ZNRF1: variants seen among roughly 807,000 people sequenced by gnomAD.
ZNRF1 encodes the protein E3 ubiquitin-protein ligase ZNRF1.
ZNRF1 carries 3 observed loss-of-function variants against 18.4 expected under a neutral mutation model. That is an observed-to-expected ratio of 0.16 (90% CI 0.07 to 0.42). The LOEUF (loss-of-function observed/expected upper bound fraction) is 0.42, where lower values mean the gene tolerates loss of function less well. ZNRF1 is among the 10% of genes least tolerant of loss of function. The pLI is 0.99. For missense variants in ZNRF1, 310 were observed against 329.8 expected (o/e 0.94, Z 0.47); for synonymous variants, 157 against 144.2 (o/e 1.09, Z -0.64).
intron 1 of ZNRF1, among the ~76,000 whole-genome samples, chr16:75,057,053 G>T (rs558723744): frequency 6.6e-6 from 1 of 152,102 alleles, no homozygotes; most frequent in Non-Finnish European, 1.5e-5. Context: ...TGTTTTGATG[G>T]ACATTTCTCC....
intron 1 of ZNRF1, among the ~76,000 whole-genome samples, chr16:75,064,771 C>T (rs572648894): frequency 3.3e-5 from 5 of 152,306 alleles, no homozygotes; most frequent in Admixed American, 2.6e-4. Context: ...GAATGGAGAC[C>T]TTTTCAGGCT....
intron 1 of ZNRF1, among the ~76,000 whole-genome samples, chr16:75,051,285 G>A (rs2035600278): frequency 6.6e-6 from 1 of 152,006 alleles, no homozygotes; most frequent in South Asian, 2.1e-4. Flanking sequence ...TCAGCTCACT[G>A]CAGCCTCTGC....
At chr16:75,056,849 C>G (rs1029787670) in intron 1 of ZNRF1, among the ~76,000 whole-genome samples, 4 of 152,068 alleles carry the variant, frequency 2.6e-5, no homozygotes, top group African/African-American at 9.7e-5. Flanking sequence ...GTTGGCCAGG[C>G]TGGTTTTGAA....
chr16:75,108,685 T>C lies in ZNRF1; in HGVS notation c.*985T>C, dbSNP rs1375706015. ...CTTCATTAGTCAAGGTGTTTTGATA[T>C]GGTATTAAAATGTCTAATAAAAGAT... On this transcript the variant is annotated 3_prime_UTR_variant, in exon 5 of 5. Coordinates refer to ENST00000335325, the MANE Select transcript of ZNRF1 (RefSeq NM_032268.5). The C allele has an allele frequency of 7.5e-6, 3 of 398,028 alleles. No individual in the cohort carries two copies. Among genetic ancestry groups the C allele is most frequent in the Non-Finnish European group, 1.3e-5 (3 of 225,662 alleles). The allele number at this position is 398,028 out of a possible 1,614,324, so 24.7% of individuals were successfully genotyped here. A position where few individuals can be genotyped will look rare whatever the true frequency, so the allele number is the denominator to read the frequency against.
intron 1 of ZNRF1, among the ~76,000 whole-genome samples, chr16:75,047,883 C>G (rs1245825500): frequency 6.6e-6 from 1 of 151,882 alleles, no homozygotes; most frequent in East Asian, 1.9e-4. Context: ...CCTTGGCTTG[C>G]AGATGGTGGT....
rs760873292 is a variant in ZNRF1 at position 75,104,850 on chromosome 16, C to T, written c.587C>T (p.Thr196Met). The T allele has an allele frequency of 8.1e-6, 13 of 1,610,220 alleles. No individual in the cohort carries two copies. The highest frequency in any genetic ancestry group is 1.1e-5 in the Non-Finnish European group (13 of 1,178,846). Reference sequence around the variant, plus strand: ...CTGGAGGAGCTGCTGCAGGGGGACACGATAGCCAGGCTGCCCTGCCTGTGC... The same window carrying T: ...CTGGAGGAGCTGCTGCAGGGGGACATGATAGCCAGGCTGCCCTGCCTGTGC... Reference protein sequence around the residue: ...ICLEELLQGDTIARLPCLCIY... With the variant: ...ICLEELLQGDMIARLPCLCIY... The change falls in exon 3 of 5, where the codon ACG (threonine) becomes ATG (methionine). Residue 196 changes from threonine to methionine, a missense_variant. Coordinates refer to ENST00000335325, the MANE Select transcript of ZNRF1 (RefSeq NM_032268.5).
intron 1 of ZNRF1, among the ~76,000 whole-genome samples, chr16:75,073,977 C>T (rs2035906279): frequency 1.3e-5 from 2 of 152,074 alleles, no homozygotes; most frequent in Admixed American, 1.3e-4. Flanking sequence ...TTAAAATACC[C>T]TAACTTTCAG....
Position 75,043,790 on chromosome 16 carries a change from C to CTTTTTTTTTTTTTTT in ZNRF1, c.424+43697_424+43711dup, listed in dbSNP as rs59324869. On this transcript the variant is annotated intron_variant, in intron 1 of 4. Transcript: ENST00000335325. The stretch of plus-strand genomic sequence containing the variant: ...AGGAGCCAGCCATTCTTGCTTTGTA[C>CTTTTTTTTTTTTTTT]TTTTTTTTTTTTTTTTGAGACAGAG... Among the ~76,000 whole-genome samples, 34 of 75,172 alleles carry CTTTTTTTTTTTTTTT rather than the reference C, an allele frequency of 4.5e-4. 3 individuals are homozygous for CTTTTTTTTTTTTTTT. Among genetic ancestry groups the CTTTTTTTTTTTTTTT allele is most frequent in the Non-Finnish European group, 6.0e-4 (23 of 38,392 alleles). 49.3% of individuals were successfully genotyped at this position (75,172 alleles called of 152,430 possible).
intron 1 of ZNRF1, among the ~76,000 whole-genome samples, chr16:75,077,252 G>T (rs1462910924): frequency 6.6e-6 from 1 of 152,220 alleles, no homozygotes; most frequent in Non-Finnish European, 1.5e-5. Context: ...ATTAGCTGGG[G>T]CTGGGCGCGG....
intron 1 of ZNRF1, among the ~76,000 whole-genome samples, chr16:75,014,267 CCT>C (rs2035038010): frequency 6.6e-6 from 1 of 152,112 alleles, no homozygotes; most frequent in Non-Finnish European, 1.5e-5. Context: ...TTTCTCTTTC[CCT>C]CTCCAAAGGG....
intron 1 of ZNRF1, among the ~76,000 whole-genome samples, chr16:75,016,181 C>T (rs572523098): frequency 1.3e-5 from 2 of 152,202 alleles, no homozygotes; most frequent in South Asian, 4.2e-4. Flanking sequence ...CCTCGGTCTC[C>T]CAAAGTGCTG....
intron 1 of ZNRF1, among the ~76,000 whole-genome samples, chr16:75,069,079 G>A (rs1050007360): frequency 6.6e-6 from 1 of 152,134 alleles, no homozygotes; most frequent in Admixed American, 6.5e-5. Context: ...AGCCAAAGGG[G>A]TGAACAGCGT....
intron 1 of ZNRF1, among the ~76,000 whole-genome samples, chr16:75,044,569 T>G (rs1412896342): frequency 2.0e-5 from 3 of 151,950 alleles, no homozygotes; most frequent in African/African-American, 7.3e-5. Context: ...TCTTGCTATA[T>G]TGCCCAGGCT....
intron 1 of ZNRF1, among the ~76,000 whole-genome samples, chr16:75,085,374 A>G (rs2036060725): frequency 6.6e-6 from 1 of 152,172 alleles, no homozygotes; most frequent in Admixed American, 6.5e-5. Context: ...TGCTTTTTAT[A>G]GCTGAGTAGT....
intron 1 of ZNRF1, among the ~76,000 whole-genome samples, chr16:75,014,159 T>C (rs1317091325): frequency 6.6e-6 from 1 of 152,130 alleles, no homozygotes; most frequent in Non-Finnish European, 1.5e-5. Context: ...AATGAAATAT[T>C]TTAGGCATTC....
At chr16:75,086,227 A>T (rs186295780) in intron 1 of ZNRF1, among the ~76,000 whole-genome samples, 15 of 152,118 alleles carry the variant, frequency 9.9e-5, no homozygotes, top group Non-Finnish European at 1.9e-4. Flanking sequence ...TGAGCCAAAT[A>T]ATCTGGGCAC....
chr16:75,031,210 C>T (rs1441625585), intron 1 of ZNRF1, among the ~76,000 whole-genome samples: 6 of 151,638 alleles, frequency 4.0e-5, no homozygotes, highest in African/African-American at 1.5e-4. Flanking sequence ...TGGCTCTCCG[C>T]AATCTCCGCC....
At chr16:75,010,554 A>G (rs1567464642) in intron 1 of ZNRF1, among the ~76,000 whole-genome samples, 1 of 152,040 alleles carries the variant, frequency 6.6e-6, no homozygotes, top group African/African-American at 2.4e-5. Flanking sequence ...TTAGGTATGT[A>G]TGGTCTCTCA....
Position 75,060,207 on chromosome 16 carries a change from C to G in ZNRF1, c.425-33365C>G, listed in dbSNP as rs535620960. Among the ~76,000 whole-genome samples the G allele has an allele frequency of 2.6e-4, 39 of 152,060 alleles. No individual in the cohort carries two copies. The South Asian group carries it at 7.1e-3, about 28-fold the overall frequency. ...TAGCTGGAACTACAGGCGCGCATCA[C>G]CACACCTGGCTAATTTTTGTATTTT... On this transcript the variant is annotated intron_variant, in intron 1 of 4. Coordinates refer to ENST00000335325, the MANE Select transcript of ZNRF1 (RefSeq NM_032268.5).
Sources: gnomAD v4.1 joint callset for allele counts (sites outside exome capture counted in the v4.1 genomes callset) on GRCh38, gnomAD v4.1.1 for gene constraint, MANE v1.5 for transcripts, NCBI Gene and HGNC (gene_info 2026-07-23, HGNC 2026-07-21) for gene names.